The following FAM135B variants were observed in gnomAD, a reference collection of about 807,000 sequenced individuals.
FAM135B encodes the protein protein FAM135B.
FAM135B carries 43 observed loss-of-function variants against 127.7 expected under a neutral mutation model. That is an observed-to-expected ratio of 0.34 (90% CI 0.26 to 0.43). FAM135B has a LOEUF of 0.43. FAM135B is among the 20% of genes least tolerant of loss of function. The pLI is 1.00. For missense variants in FAM135B, 1,558 were observed against 1,725.6 expected, an observed-to-expected ratio of 0.90 and a Z score of 1.72; for synonymous variants, 670 against 665.1, an observed-to-expected ratio of 1.01 and a Z score of -0.11.
chr8:138,157,552 T>C (rs148049653), intron 12 of FAM135B, among the ~76,000 whole-genome samples: 105,730 of 151,986 alleles, frequency 0.7, 36,840 homozygotes, highest in East Asian at 0.79. Context: ...AAAACCCCAT[T>C]GTCTCAGCCC....
At chr8:138,316,070 G>C (rs568521083) in intron 2 of FAM135B, among the ~76,000 whole-genome samples, 9 of 149,708 alleles carry the variant, frequency 6.0e-5, no homozygotes, top group Admixed American at 3.3e-4. Context: ...TTGGAAGACA[G>C]TAGATGTGCT....
At chr8:138,436,528 C>CA (rs1188989666) in intron 1 of FAM135B, among the ~76,000 whole-genome samples, 2 of 152,202 alleles carry the variant, frequency 1.3e-5, no homozygotes, top group East Asian at 3.9e-4. Flanking sequence ...CTGTGAACTG[C>CA]AATGACAGGC....
At chr8:138,366,473 T>C (rs1358695620) in intron 2 of FAM135B, among the ~76,000 whole-genome samples, 1 of 152,156 alleles carries the variant, frequency 6.6e-6, no homozygotes, top group East Asian at 1.9e-4. Context: ...GCAAGAGGAC[T>C]TCCAGAAGGA....
intron 1 of FAM135B, among the ~76,000 whole-genome samples, chr8:138,379,761 C>T (rs1831724066): frequency 2.0e-5 from 3 of 152,164 alleles, no homozygotes; most frequent in African/African-American, 7.2e-5. Context: ...AGAATAGCAC[C>T]TCACATTCAT....
At chr8:138,364,024 A>G (rs576443407) in intron 2 of FAM135B, among the ~76,000 whole-genome samples, 24 of 152,168 alleles carry the variant, frequency 1.6e-4, no homozygotes, top group African/African-American at 5.8e-4. Context: ...AAAGGAACCA[A>G]CTTCCCCAAA....
chr8:138,445,195 C>T lies in FAM135B; in HGVS notation c.-20+51476G>A, dbSNP rs1343447073. Among the ~76,000 whole-genome samples, 20 of 152,210 alleles carry T rather than the reference C, an allele frequency of 1.3e-4. No homozygotes were observed. The South Asian group carries it at 1.5e-3, about 11-fold the overall frequency. ...CAACCAAAAAAAGTCCAGGACCAGA[C>T]GGATTCACAGCCAAATTCTACCAGA... On this transcript the variant is annotated intron_variant, in intron 1 of 19. Transcript: ENST00000395297.
intron 1 of FAM135B, among the ~76,000 whole-genome samples, chr8:138,470,797 CACT>C (rs1482123926): frequency 6.6e-6 from 1 of 152,206 alleles, no homozygotes; most frequent in Admixed American, 6.5e-5. Flanking sequence ...ACACTGGTCA[CACT>C]ACATGTGACG....
chr8:138,404,836 C>T (rs1346146452), intron 1 of FAM135B, among the ~76,000 whole-genome samples: 1 of 152,180 alleles, frequency 6.6e-6, no homozygotes, highest in Non-Finnish European at 1.5e-5. Flanking sequence ...ACAGTTACTT[C>T]TTCCACTGAA....
intron 3 of FAM135B, among the ~76,000 whole-genome samples, chr8:138,271,927 G>A (rs754470428): frequency 6.6e-6 from 1 of 151,732 alleles, no homozygotes; most frequent in Non-Finnish European, 1.5e-5. Flanking sequence ...TTATTCATGA[G>A]GAAACTAATG....
Position 138,433,525 on chromosome 8 carries a change from A to G in FAM135B, c.-20+63146T>C, listed in dbSNP as rs1587443025. Among the ~76,000 whole-genome samples, 3 of 26,428 alleles carry G rather than the reference A, an allele frequency of 1.1e-4. No homozygotes were observed. The East Asian group carries it at 1.8e-3, about 16-fold the overall frequency. 17.3% of individuals were successfully genotyped at this position (26,428 alleles called of 152,430 possible). A position where few individuals can be genotyped will look rare whatever the true frequency, so the allele number is the denominator to read the frequency against. On this transcript the variant is annotated intron_variant, in intron 1 of 19. Transcript: ENST00000395297. ...GATGACAGAGCAAGATTCTGTCTCA[A>G]TAAATAAATAAATAAATAAATAAAT... is the stretch of plus-strand genomic sequence containing the variant.
intron 3 of FAM135B, among the ~76,000 whole-genome samples, chr8:138,302,425 T>C (rs563700136): frequency 4.1e-4 from 63 of 152,268 alleles, no homozygotes; most frequent in Middle Eastern, 6.8e-3. Flanking sequence ...AAGTTTCCCA[T>C]GCAGCAGCTG....
At chr8:138,157,480 T>C (rs887912665) in intron 12 of FAM135B, among the ~76,000 whole-genome samples, 1 of 152,190 alleles carries the variant, frequency 6.6e-6, no homozygotes, top group African/African-American at 2.4e-5. Context: ...TAAAGGGTAT[T>C]CAATTAGGAA....
At chr8:138,323,769 G>A (rs1827613759) in intron 2 of FAM135B, among the ~76,000 whole-genome samples, 1 of 152,224 alleles carries the variant, frequency 6.6e-6, no homozygotes, top group Non-Finnish European at 1.5e-5. Context: ...AGTTGACACA[G>A]ACAGTCTGAC....
chr8:138,164,606 T>A (rs1819728377), intron 12 of FAM135B, among the ~76,000 whole-genome samples: 1 of 152,210 alleles, frequency 6.6e-6, no homozygotes, highest in African/African-American at 2.4e-5. Flanking sequence ...GAGAGGCTCA[T>A]CAGAAACTCA....
At chr8:138,374,125 T>TA (rs1342463736) in intron 1 of FAM135B, among the ~76,000 whole-genome samples, 3 of 152,192 alleles carry the variant, frequency 2.0e-5, no homozygotes, top group Non-Finnish European at 2.9e-5. Flanking sequence ...TCACACAACC[T>TA]ATTGACATGT....
chr8:138,401,615 G>A (rs149127275), intron 1 of FAM135B, among the ~76,000 whole-genome samples: 2 of 152,276 alleles, frequency 1.3e-5, no homozygotes, highest in Non-Finnish European at 2.9e-5. Flanking sequence ...CAACAAATAA[G>A]AAAGAAAAAT....
chr8:138,233,267 A>T (rs1174421360), intron 7 of FAM135B, among the ~76,000 whole-genome samples: 2 of 152,156 alleles, frequency 1.3e-5, no homozygotes, highest in Non-Finnish European at 2.9e-5. Context: ...GCCCATCTAA[A>T]CTCACCAAAT....
intron 2 of FAM135B, among the ~76,000 whole-genome samples, chr8:138,338,857 A>G (rs986433025): frequency 4.6e-5 from 7 of 152,162 alleles, no homozygotes; most frequent in African/African-American, 1.7e-4. Context: ...CTTGGAACCA[A>G]CCCAAATGTC....
At chr8:138,262,725 C>A (rs550681238) in intron 4 of FAM135B, among the ~76,000 whole-genome samples, 1 of 151,610 alleles carries the variant, frequency 6.6e-6, no homozygotes, top group Admixed American at 6.6e-5. Flanking sequence ...ATAGTGAAAC[C>A]TTGTCTCTAC....
Sources: gnomAD v4.1 joint callset for allele counts (sites outside exome capture counted in the v4.1 genomes callset) on GRCh38, gnomAD v4.1.1 for gene constraint, MANE v1.5 for transcripts, NCBI Gene and HGNC (gene_info 2026-07-23, HGNC 2026-07-21) for gene names.